ST6GALNAC3: variants seen among roughly 807,000 people sequenced by gnomAD.
ST6GALNAC3 encodes alpha-N-acetylgalactosaminide alpha-2,6-sialyltransferase 3.
ST6GALNAC3 carries 25 observed loss-of-function variants against 32.7 expected under a neutral mutation model. The ratio of observed to expected loss-of-function variants is 0.76; its 90% CI spans 0.56 to 1.07. ST6GALNAC3 has a LOEUF of 1.07. ST6GALNAC3 is among the 50% of genes least tolerant of loss of function. The pLI is 0.00. For missense variants in ST6GALNAC3, 355 were observed against 382.4 expected (o/e 0.93, Z 0.60); for synonymous variants, 129 against 133.1 (o/e 0.97, Z 0.21).
At chr1:76,338,228 A>G (rs1647666326) in intron 2 of ST6GALNAC3, among the ~76,000 whole-genome samples, 1 of 152,202 alleles carries the variant, frequency 6.6e-6, no homozygotes, top group Admixed American at 6.5e-5. Context: ...TTTGCTGATA[A>G]ATATAATTCT....
At chr1:76,386,485 T>C (rs199831946) in intron 2 of ST6GALNAC3, among the ~76,000 whole-genome samples, 1 of 202 alleles carries the variant, frequency 5.0e-3, no homozygotes, top group Non-Finnish European at 0.026. Flanking sequence ...CCAGGGTGAA[T>C]GAATTGTGAA....
intron 3 of ST6GALNAC3, among the ~76,000 whole-genome samples, chr1:76,431,453 CTCT>C (rs1655746634): frequency 6.6e-6 from 1 of 152,112 alleles, no homozygotes; most frequent in Non-Finnish European, 1.5e-5. Flanking sequence ...AATTTTGTAG[CTCT>C]TCATTTCATA....
chr1:76,278,900 G>T (rs1171692208), intron 1 of ST6GALNAC3, among the ~76,000 whole-genome samples: 1 of 152,184 alleles, frequency 6.6e-6, no homozygotes, highest in Non-Finnish European at 1.5e-5. Flanking sequence ...TGTTCATCGC[G>T]TAGTACTTTC....
At chr1:76,315,414 A>G (rs1381809259) in intron 2 of ST6GALNAC3, among the ~76,000 whole-genome samples, 1 of 152,176 alleles carries the variant, frequency 6.6e-6, no homozygotes, top group East Asian at 1.9e-4. Context: ...GTCAAATATC[A>G]AAGACCCTTT....
At chr1:76,339,623 T>A (rs1285888380) in intron 2 of ST6GALNAC3, among the ~76,000 whole-genome samples, 1 of 152,202 alleles carries the variant, frequency 6.6e-6, no homozygotes, top group African/African-American at 2.4e-5. Context: ...CTTTATCCAC[T>A]ATAAAATAGG....
At chr1:76,165,450 T>C (rs1368316593) in intron 1 of ST6GALNAC3, among the ~76,000 whole-genome samples, 1 of 152,220 alleles carries the variant, frequency 6.6e-6, no homozygotes, top group Non-Finnish European at 1.5e-5. Flanking sequence ...TCAATGTCTT[T>C]ACAAGTGTGA....
intron 3 of ST6GALNAC3, among the ~76,000 whole-genome samples, chr1:76,502,155 C>G (rs1364458054): frequency 1.3e-5 from 2 of 152,214 alleles, no homozygotes; most frequent in Non-Finnish European, 2.9e-5. Context: ...ACAAGCTCAC[C>G]CTGTTCCAGG....
chr1:76,568,137 G>C (rs979674710), intron 3 of ST6GALNAC3, among the ~76,000 whole-genome samples: 1 of 152,164 alleles, frequency 6.6e-6, no homozygotes, highest in African/African-American at 2.4e-5. Context: ...CCAGTTCCTT[G>C]TCTACTACAT....
intron 1 of ST6GALNAC3, among the ~76,000 whole-genome samples, chr1:76,278,223 CTTT>C (rs568694243): frequency 2.6e-5 from 3 of 113,744 alleles, no homozygotes; most frequent in African/African-American, 4.6e-5. Context: ...GCTAGGCATT[CTTT>C]TTTTTTTTTT....
intron 3 of ST6GALNAC3, among the ~76,000 whole-genome samples, chr1:76,545,136 C>T (rs1203550176): frequency 6.6e-6 from 1 of 152,142 alleles, no homozygotes; most frequent in Non-Finnish European, 1.5e-5. Flanking sequence ...CCAGCCTCGC[C>T]TCACCTCTTA....
At chr1:76,432,555 A>G (rs1027100573) in intron 3 of ST6GALNAC3, among the ~76,000 whole-genome samples, 4 of 144,462 alleles carry the variant, frequency 2.8e-5, no homozygotes, top group African/African-American at 1.0e-4. Flanking sequence ...CCTGGGCTCA[A>G]GTGATCCTCC....
chr1:76,493,777 T>A (rs1660641468), intron 3 of ST6GALNAC3, among the ~76,000 whole-genome samples: 1 of 152,166 alleles, frequency 6.6e-6, no homozygotes, highest in Non-Finnish European at 1.5e-5. Flanking sequence ...TTAACATGCA[T>A]ATTAAAAAAA....
chr1:76,558,594 T>C (rs937596104), intron 3 of ST6GALNAC3, among the ~76,000 whole-genome samples: 3 of 151,956 alleles, frequency 2.0e-5, no homozygotes, highest in Admixed American at 2.0e-4. Context: ...TGGGGACCCC[T>C]AGAGTAGGGA....
chr1:76,078,123 C>T (rs144687905), intron 1 of ST6GALNAC3, among the ~76,000 whole-genome samples: 32 of 152,278 alleles, frequency 2.1e-4, no homozygotes, highest in East Asian at 5.8e-4. Flanking sequence ...TTTACTATGA[C>T]GGAGCTCGTG....
chr1:76,248,783 C>T lies in ST6GALNAC3; in HGVS notation c.19-65022C>T, dbSNP rs567447450. 6.6e-5 allele frequency among the ~76,000 whole-genome samples: 10 copies of T among 152,136 alleles called. No individual in the cohort carries two copies. The South Asian group carries it at 2.1e-3, about 32-fold the overall frequency. On this transcript the variant is annotated intron_variant, in intron 1 of 4. Coordinates refer to ENST00000328299, the MANE Select transcript of ST6GALNAC3 (RefSeq NM_152996.4). ...CCTTTTTCTTTCTCTCCCATTTCCT[C>T]CTTTCCTTCTTCCCTCTTTCTTTTC...
intron 1 of ST6GALNAC3, among the ~76,000 whole-genome samples, chr1:76,121,088 A>G (rs1648842938): frequency 6.6e-6 from 1 of 152,186 alleles, no homozygotes; most frequent in Non-Finnish European, 1.5e-5. Flanking sequence ...TGGAATTACA[A>G]TGAGGTTCAC....
chr1:76,505,796 TA>T (rs1661445882), intron 3 of ST6GALNAC3, among the ~76,000 whole-genome samples: 1 of 152,164 alleles, frequency 6.6e-6, no homozygotes, highest in Non-Finnish European at 1.5e-5. Flanking sequence ...TCACCTTTGC[TA>T]ATCTTAAAGT....
Position 76,629,301 on chromosome 1 carries a change from T to A in ST6GALNAC3, c.*495T>A, listed in dbSNP as rs1054715875. The stretch of plus-strand genomic sequence containing the variant: ...TATCAGGGTGCAAGTATCTTACTAC[T>A]TAGCCTAAGGATGGGAAAATATCTC... On this transcript the variant is annotated 3_prime_UTR_variant, in exon 5 of 5. Coordinates refer to ENST00000328299, the MANE Select transcript of ST6GALNAC3 (RefSeq NM_152996.4). The A allele has an allele frequency of 4.3e-5, 42 of 986,856 alleles. No individual in the cohort carries two copies. The highest frequency in any genetic ancestry group is 4.9e-5 in the Non-Finnish European group (41 of 831,150). 61.1% of individuals were successfully genotyped at this position (986,856 alleles called of 1,614,324 possible).
At chr1:76,440,105 G>A (rs1358490095) in intron 3 of ST6GALNAC3, among the ~76,000 whole-genome samples, 1 of 152,126 alleles carries the variant, frequency 6.6e-6, no homozygotes, top group Non-Finnish European at 1.5e-5. Flanking sequence ...AAGATATTGT[G>A]GACTTTTTAC....
Sources: allele counts gnomAD v4.1 joint callset (sites outside exome capture counted in the v4.1 genomes callset), GRCh38; gene constraint gnomAD v4.1.1; transcripts MANE v1.5; gene names NCBI Gene and HGNC (gene_info 2026-07-23, HGNC 2026-07-21).